CCDC191: variants seen among roughly 807,000 people sequenced by gnomAD.
CCDC191 encodes coiled-coil domain containing 191.
In CCDC191, 99 loss-of-function variants were observed where a neutral mutation model predicts 114.0. The ratio of observed to expected loss-of-function variants is 0.87; its 90% confidence interval spans 0.74 to 1.03. The LOEUF (loss-of-function observed/expected upper bound fraction) is 1.03. CCDC191 is among the 50% of genes least tolerant of loss of function. The pLI, the probability that CCDC191 is intolerant of heterozygous loss-of-function variation, is 0.00. For synonymous variants in CCDC191, 351 were observed against 376.0 expected (o/e 0.93, Z 0.77); for missense variants, 973 against 1,087.0 (o/e 0.90, Z 1.47).
intron 7 of CCDC191, among the ~76,000 whole-genome samples, chr3:114,029,801 A>T (rs12491049): frequency 0.017 from 2,582 of 151,874 alleles, 61 homozygotes; most frequent in Admixed American, 0.054. Flanking sequence ...GAGAAAACAT[A>T]AAAAAAACCA....
At chr3:114,026,773 G>T (rs974673842) in intron 7 of CCDC191, among the ~76,000 whole-genome samples, 1 of 152,122 alleles carries the variant, frequency 6.6e-6, no homozygotes, top group South Asian at 2.1e-4. Context: ...TGTGCCACAA[G>T]CATAACTTTA....
intron 9 of CCDC191, 28 bp from the exon 10 acceptor site, chr3:114,005,990 A>C: frequency 2.5e-6 from 4 of 1,577,164 alleles, no homozygotes; most frequent in Non-Finnish European, 3.5e-6. Context: ...GTTATAGCTC[A>C]ACTATTTAAA....
chr3:114,055,728 T>C (rs1309803303), intron 1 of CCDC191, among the ~76,000 whole-genome samples: 1 of 152,202 alleles, frequency 6.6e-6, no homozygotes, highest in Admixed American at 6.5e-5. Flanking sequence ...AACTGTGACT[T>C]TGCACATGTC....
At chr3:114,028,275 A>ATTTTTTTTTTTTTTTTTTTTTTT (rs920211150) in intron 7 of CCDC191, among the ~76,000 whole-genome samples, 1 of 126,878 alleles carries the variant, frequency 7.9e-6, no homozygotes, top group Non-Finnish European at 1.6e-5. Flanking sequence ...AATTCTAAAA[A>ATTTTTTTTTTTTTTTTTTTTTTT]TTTTTTTTTT....
In CCDC191 at chr3:114,042,773, A is replaced by G; in HGVS notation, c.345T>C (p.Ala115=). Residue 115 remains alanine (A), a synonymous_variant, in exon 4 of 17, where the codon GCT becomes GCC. Coordinates refer to ENST00000295878, the MANE Select transcript of CCDC191 (RefSeq NM_020817.2). ...TAGTGACACTTGACACAGTGTTTTT[A>G]GCATCACCTTCTTCCTCACTTGCTA... is the stretch of plus-strand genomic sequence containing the variant. ...QELASEEEGD[A]KNTVSSVTIM... is the part of the protein sequence containing the mutation. 1 of 1,601,850 alleles carries G rather than the reference A, an allele frequency of 6.2e-7. No homozygotes were observed. Among genetic ancestry groups the G allele is most frequent in the Non-Finnish European group, 8.5e-7 (1 of 1,175,758 alleles).
intron 4 of CCDC191, among the ~76,000 whole-genome samples, chr3:114,041,380 G>C (rs1411297687): frequency 6.6e-6 from 1 of 152,096 alleles, no homozygotes; most frequent in East Asian, 1.9e-4. Context: ...AAAATAAAAC[G>C]TTCTTGAGAG....
At chr3:114,050,112 C>G (rs1195609406) in intron 2 of CCDC191, among the ~76,000 whole-genome samples, 1 of 152,204 alleles carries the variant, frequency 6.6e-6, no homozygotes, top group Admixed American at 6.5e-5. Context: ...ATCATAGTAA[C>G]TATGTTATAT....
At chr3:113,972,128 T>G (rs1462487372) in intron 16 of CCDC191, among the ~76,000 whole-genome samples, 2 of 152,112 alleles carry the variant, frequency 1.3e-5, no homozygotes, top group Non-Finnish European at 2.9e-5. Flanking sequence ...GGGTTTGGTT[T>G]GTTCTTGCTT....
At chr3:114,050,364 T>G (rs1174155580) in intron 2 of CCDC191, among the ~76,000 whole-genome samples, 1 of 152,262 alleles carries the variant, frequency 6.6e-6, no homozygotes, top group Non-Finnish European at 1.5e-5. Context: ...TAAATAGTTC[T>G]GTGAGTAATA....
At chr3:113,982,109 C>G (rs942104123) in intron 13 of CCDC191, among the ~76,000 whole-genome samples, 1 of 152,192 alleles carries the variant, frequency 6.6e-6, no homozygotes, top group Non-Finnish European at 1.5e-5. Flanking sequence ...GACAAAAGAA[C>G]TTGTTCCCAT....
chr3:113,984,634 AAAG>A (rs2075288756), intron 13 of CCDC191: 1 of 152,228 alleles, frequency 6.6e-6, no homozygotes. Flanking sequence ...AGTTGTCCTC[AAAG>A]AAGACTCAAG....
intron 11 of CCDC191, chr3:114,003,561 A>G (rs1240428430): frequency 3.0e-6 from 3 of 985,338 alleles, no homozygotes; most frequent in Non-Finnish European, 3.6e-6. Flanking sequence ...AGATCTAATC[A>G]TCAAAAGACT....
chr3:113,995,118 T>C (rs1241537001), intron 13 of CCDC191, among the ~76,000 whole-genome samples: 1 of 152,168 alleles, frequency 6.6e-6, no homozygotes. Context: ...ATGAATCCAC[T>C]GTTATGACTT....
At chr3:114,018,009 C>T (rs954453636) in intron 8 of CCDC191, among the ~76,000 whole-genome samples, 1 of 152,218 alleles carries the variant, frequency 6.6e-6, no homozygotes, top group Non-Finnish European at 1.5e-5. Context: ...AGGCAGAATT[C>T]TGTGTCATTC....
chr3:114,005,335 T>C (rs1338317310), intron 10 of CCDC191, among the ~76,000 whole-genome samples, 173 bp downstream of exon 10: 1 of 152,208 alleles, frequency 6.6e-6, no homozygotes, highest in Non-Finnish European at 1.5e-5. Context: ...CAGGCATCCT[T>C]GACTATCTGT....
intron 5 of CCDC191, 134 bp from the exon 6 acceptor site, chr3:114,035,282 G>T (rs1056260670): frequency 6.3e-5 from 40 of 639,438 alleles, no homozygotes; most frequent in Non-Finnish European, 1.0e-4. Flanking sequence ...CTGTTTATTG[G>T]TAGGAAAGGA....
chr3:113,976,008 A>G (rs1217422351), intron 16 of CCDC191, among the ~76,000 whole-genome samples: 1 of 152,208 alleles, frequency 6.6e-6, no homozygotes, highest in Non-Finnish European at 1.5e-5. Flanking sequence ...CTGTAATCCT[A>G]GCACTTTGGG....
rs146492005 is a variant in CCDC191, at chr3:114,036,754, T to G, written c.448A>C (p.Ser150Arg). 3 of 1,570,912 alleles carry G rather than the reference T, an allele frequency of 1.9e-6. No individual in the cohort carries two copies. Among genetic ancestry groups the G allele is most frequent in the Non-Finnish European group, 2.6e-6 (3 of 1,157,676 alleles). The part of the protein sequence containing the change: ...LCGYLEEEEE[S>R]TTVQKFIDHL... ...TCTATAAATTTTTGAACGGTGGTAC[T>G]TTCCTCTTCTTCCTCCAAATAGCCA... The change falls in exon 5 of 17, where the codon AGT becomes CGT. Residue 150 changes from serine to arginine, a missense_variant. Ser to Arg is a moderately radical substitution (Grantham distance 110, BLOSUM62 -1). Transcript: ENST00000295878.
At position 114,042,941 on chromosome 3, in the gene CCDC191, C is replaced by T. The variant is rs149446910; in HGVS notation, c.272-95G>A. Reference sequence around the variant, plus strand: ...TTATTCAATAAATATTAATTGAGTACCTATCGTGTCAAGTACTGTTCTAGA... The same window carrying T: ...TTATTCAATAAATATTAATTGAGTATCTATCGTGTCAAGTACTGTTCTAGA... On this transcript the variant is annotated intron_variant, in intron 3 of 16. Coordinates refer to ENST00000295878, the MANE Select transcript of CCDC191 (RefSeq NM_020817.2). 3.1e-4 allele frequency: 359 copies of T among 1,168,086 alleles called. 2 individuals are homozygous for T. In the East Asian group the frequency reaches 9.2e-3, roughly 30 times the overall value. 72.4% of individuals were successfully genotyped at this position (1,168,086 alleles called of 1,614,324 possible).
Sources: gnomAD v4.1 joint callset for allele counts (sites outside exome capture counted in the v4.1 genomes callset) on GRCh38, gnomAD v4.1.1 for gene constraint, MANE v1.5 for transcripts, NCBI Gene and HGNC (gene_info 2026-07-23, HGNC 2026-07-21) for gene names.